The following PRKN variants were observed in gnomAD, a reference collection of about 807,000 sequenced individuals.
The protein encoded by PRKN is parkin RBR E3 ubiquitin protein ligase, also known as E3 ubiquitin-protein ligase parkin.
PRKN carries 56 observed loss-of-function variants against 59.5 expected under a neutral mutation model. That is an observed-to-expected ratio of 0.94 (90% CI 0.76 to 1.18). The LOEUF is 1.18. Among genes scored for constraint, PRKN ranks in the 50% most tolerant of loss-of-function variants. PRKN has a pLI of 0.00. For synonymous variants in PRKN, 250 were observed against 222.1 expected (o/e 1.13, Z -1.12); for missense variants, 657 against 596.4 (o/e 1.10, Z -1.06).
At chr6:161,569,160 A>G (rs1001534373) in intron 8 of PRKN, among the ~76,000 whole-genome samples, 195 bp downstream of exon 8, 6 of 152,220 alleles carry the variant, frequency 3.9e-5, no homozygotes, top group South Asian at 2.1e-4. Context: ...CAGATGTAGC[A>G]ATTAATAACC....
At chr6:161,661,352 A>G (rs936507941) in intron 7 of PRKN, among the ~76,000 whole-genome samples, 10 of 151,948 alleles carry the variant, frequency 6.6e-5, no homozygotes, top group African/African-American at 2.4e-4. Flanking sequence ...ACTCAACCAC[A>G]CAGGAGCCAT....
intron 7 of PRKN, among the ~76,000 whole-genome samples, chr6:161,691,072 A>ATCCATCCT (rs1450033580): frequency 6.0e-5 from 9 of 151,136 alleles, no homozygotes; most frequent in African/African-American, 1.9e-4. Context: ...CCATCCATCC[A>ATCCATCCT]TCCACCCACC....
intron 5 of PRKN, among the ~76,000 whole-genome samples, chr6:161,974,164 G>A (rs1012492401): frequency 1.3e-5 from 2 of 151,850 alleles, no homozygotes; most frequent in Admixed American, 6.5e-5. Flanking sequence ...CTACTCGAGA[G>A]GCTGAGGCAG....
chr6:161,608,611 C>A (rs140490766), intron 7 of PRKN, among the ~76,000 whole-genome samples: 1 of 152,022 alleles, frequency 6.6e-6, no homozygotes, highest in Non-Finnish European at 1.5e-5. Flanking sequence ...TGGCTCACTG[C>A]AATCTCTGCC....
chr6:162,596,961 C>A (rs183797088), intron 1 of PRKN, among the ~76,000 whole-genome samples: 3 of 152,104 alleles, frequency 2.0e-5, no homozygotes, highest in Non-Finnish European at 4.4e-5. Flanking sequence ...ATACTAGTTC[C>A]GGGTTTCAGA....
intron 9 of PRKN, among the ~76,000 whole-genome samples, chr6:161,464,177 G>C (rs1022482630): frequency 1.3e-5 from 2 of 152,088 alleles, no homozygotes; most frequent in African/African-American, 4.8e-5. Flanking sequence ...ACCACGTCCA[G>C]CTAATTTTGT....
At chr6:162,376,672 T>C (rs1045858084) in intron 2 of PRKN, among the ~76,000 whole-genome samples, 1 of 145,848 alleles carries the variant, frequency 6.9e-6, no homozygotes, top group Non-Finnish European at 1.5e-5. Flanking sequence ...GACAGCAAAG[T>C]AGTGCCGAAA....
intron 1 of PRKN, among the ~76,000 whole-genome samples, chr6:162,456,324 T>C (rs1425299907): frequency 1.3e-5 from 2 of 152,210 alleles, no homozygotes; most frequent in Non-Finnish European, 2.9e-5. Context: ...GATTTATTTC[T>C]AATATTTTTA....
chr6:162,182,339 T>C (rs921408609), intron 4 of PRKN, among the ~76,000 whole-genome samples: 1 of 152,206 alleles, frequency 6.6e-6, no homozygotes, highest in South Asian at 2.1e-4. Context: ...TTCAGAGATA[T>C]TGAAGACAGA....
chr6:161,756,367 G>C (rs148578657), intron 7 of PRKN, among the ~76,000 whole-genome samples: 2,062 of 145,254 alleles, frequency 0.014, 44 homozygotes, highest in African/African-American at 0.049. Context: ...GCTTGAACCT[G>C]GGAGGTGGAG....
chr6:161,413,057 T>A lies in PRKN; in HGVS notation c.1084-26180A>T, dbSNP rs1442631367. 1.3e-5 allele frequency among the ~76,000 whole-genome samples: 2 copies of A among 152,256 alleles called. No homozygotes were observed. Among genetic ancestry groups the A allele is most frequent in the African/African-American group, 4.8e-5 (2 of 41,466 alleles). On this transcript the variant is annotated intron_variant, in intron 9 of 11. Coordinates refer to ENST00000366898, the MANE Select transcript of PRKN (RefSeq NM_004562.3). The surrounding 1 kb of genome is among the most constrained non-coding windows in gnomAD (Gnocchi z 4.4). ...TGCTGGACTAGAATCTCGCAGGGAT[T>A]GAGCTTTATTCTGGCAGCAAATTCA...
chr6:162,080,322 C>T (rs573065795), intron 4 of PRKN, among the ~76,000 whole-genome samples: 1 of 152,164 alleles, frequency 6.6e-6, no homozygotes, highest in Admixed American at 6.5e-5. Flanking sequence ...TCTCGATATC[C>T]TGTAAGATTT....
intron 1 of PRKN, among the ~76,000 whole-genome samples, chr6:162,693,324 T>A (rs532143588): frequency 4.8e-4 from 73 of 152,302 alleles, no homozygotes; most frequent in African/African-American, 1.7e-3. Context: ...TCAGTAGAGA[T>A]GGGATCGTGA....
At chr6:161,691,790 T>C (rs1785805996) in intron 7 of PRKN, among the ~76,000 whole-genome samples, 1 of 152,224 alleles carries the variant, frequency 6.6e-6, no homozygotes. Context: ...CATTGCTCTT[T>C]CATCCACAGC....
chr6:162,282,745 A>G (rs763251553), intron 2 of PRKN, among the ~76,000 whole-genome samples: 2 of 152,228 alleles, frequency 1.3e-5, no homozygotes, highest in East Asian at 1.9e-4. Context: ...TATTATTATT[A>G]GCCCATTTGT....
intron 1 of PRKN, chr6:162,569,120 AC>A: frequency 1.6e-6 from 1 of 645,034 alleles, no homozygotes; most frequent in Non-Finnish European, 2.8e-6. Flanking sequence ...TGAGGAGATC[AC>A]CCAACCTCAG....
chr6:162,592,953 T>C (rs1004474707), intron 1 of PRKN, among the ~76,000 whole-genome samples: 1 of 151,892 alleles, frequency 6.6e-6, no homozygotes, highest in Non-Finnish European at 1.5e-5. Flanking sequence ...CCACAGGACA[T>C]AACCTTTAAA....
At chr6:161,781,854 C>T (rs1790219619) in intron 7 of PRKN, among the ~76,000 whole-genome samples, 1 of 152,136 alleles carries the variant, frequency 6.6e-6, no homozygotes, top group Non-Finnish European at 1.5e-5. Context: ...AAACATACAG[C>T]CAACTACATA....
At chr6:162,526,576 G>A (rs1778293568) in intron 1 of PRKN, among the ~76,000 whole-genome samples, 1 of 151,746 alleles carries the variant, frequency 6.6e-6, no homozygotes, top group Admixed American at 6.6e-5. Context: ...TTTGAACCCG[G>A]GAGGCGGAGG....
Sources: allele counts gnomAD v4.1 joint callset (sites outside exome capture counted in the v4.1 genomes callset), GRCh38; gene constraint gnomAD v4.1.1; non-coding constraint Gnocchi (gnomAD v3.1); transcripts MANE v1.5; gene names NCBI Gene and HGNC (gene_info 2026-07-23, HGNC 2026-07-21).